The following PACS2 variants were observed in gnomAD, a reference collection of about 807,000 sequenced individuals.
PACS2 encodes the protein PACS1-like protein.
PACS2 carries 36 observed loss-of-function variants against 113.0 expected under a neutral mutation model. The ratio of observed to expected loss-of-function variants is 0.32; its 90% CI spans 0.24 to 0.42. PACS2 has a LOEUF of 0.42. PACS2 is among the 10% of genes least tolerant of loss of function. The probability of loss-of-function intolerance (pLI) is 1.00; values close to 1 mark genes in which losing one functional copy is unlikely to be tolerated. For synonymous variants in PACS2, 589 were observed against 536.1 expected, an observed-to-expected ratio of 1.10 and a Z score of -1.36; for missense variants, 1,015 against 1,239.5, an observed-to-expected ratio of 0.82 and a Z score of 2.72.
At chr14:105,353,494 T>A (rs1220674446) in intron 3 of PACS2, among the ~76,000 whole-genome samples, 1 of 152,126 alleles carries the variant, frequency 6.6e-6, no homozygotes, top group Non-Finnish European at 1.5e-5. Context: ...TTGCCATCAG[T>A]GTCCTGCGTT....
intron 1 of PACS2, among the ~76,000 whole-genome samples, chr14:105,307,113 T>C (rs186206083): frequency 6.6e-6 from 1 of 151,860 alleles, no homozygotes; most frequent in Admixed American, 6.6e-5. Context: ...GGTATGATCA[T>C]AGCTCACTGT....
chr14:105,394,423 G>A, intron 24 of PACS2, 131 bp from the exon 25 acceptor site: 2 of 1,484,096 alleles, frequency 1.3e-6, no homozygotes, highest in African/African-American at 2.8e-5. Flanking sequence ...AAGTGTTGAT[G>A]CCCTCCAGCA....
rs1221597464 is a variant in PACS2, at chr14:105,323,167, G to A, written c.119+8130G>A. The stretch of plus-strand genomic sequence containing the variant: ...CTGAGTCGGGGTTACTAGACTTGCT[G>A]ACTTTGTGGATCGATGATTTTCATG... On this transcript the variant is annotated intron_variant, in intron 1 of 24. Coordinates refer to ENST00000447393, the MANE Select transcript of PACS2 (RefSeq NM_001100913.3). This position sits in a 1 kb window ranked among gnomAD's most constrained non-coding sequence, Gnocchi z 4.1. 6.6e-6 allele frequency among the ~76,000 whole-genome samples: 1 copy of A among 152,234 alleles called. No individual in the cohort carries two copies. Among genetic ancestry groups the A allele is most frequent in the Non-Finnish European group, 1.5e-5 (1 of 68,044 alleles).
chr14:105,385,572 C>A, intron 18 of PACS2, 113 bp from the exon 19 acceptor site: 1 of 625,588 alleles, frequency 1.6e-6, no homozygotes, highest in Non-Finnish European at 2.7e-6. Flanking sequence ...ACGGGCTCTC[C>A]CACGCAGGAG....
chr14:105,332,473 G>A (rs2059340760), intron 1 of PACS2, among the ~76,000 whole-genome samples: 1 of 152,216 alleles, frequency 6.6e-6, no homozygotes, highest in African/African-American at 2.4e-5. Flanking sequence ...CAGGACTGAG[G>A]CCACACAGGA....
chr14:105,371,844 A>G (rs924804805), intron 8 of PACS2: 2 of 152,254 alleles, frequency 1.3e-5, no homozygotes, highest in African/African-American at 4.8e-5. Context: ...CTGTGAGTCC[A>G]AGATCAAGGT....
At chr14:105,301,048 T>A in intron 1 of PACS2, 1 of 151,326 alleles carries the variant, frequency 6.6e-6, no homozygotes, top group Non-Finnish European at 1.5e-5. Flanking sequence ...GGACTGGAGT[T>A]TGGGGCGGGG....
At chr14:105,331,504 A>G (rs1196683898) in intron 1 of PACS2, among the ~76,000 whole-genome samples, 1 of 151,584 alleles carries the variant, frequency 6.6e-6, no homozygotes, top group Non-Finnish European at 1.5e-5. Context: ...GCAGCCTCAA[A>G]CTCTGGGGCT....
rs587746832 is a variant in PACS2 at position 105,384,006 on chromosome 14, C to A, written c.1781-347C>A. The A allele has an allele frequency of 5.2e-5, 17 of 328,374 alleles. 1 individual carries two copies. The South Asian group carries it at 6.4e-4, about 12-fold the overall frequency. 20.3% of individuals were successfully genotyped at this position (328,374 alleles called of 1,614,324 possible). A position where few individuals can be genotyped will look rare whatever the true frequency, so the allele number is the denominator to read the frequency against. ...CACCCAGCCTTAATCTGTTGACCAG[C>A]AGCAAGGCCTGGAGGCGACACCTCT... On this transcript the variant is annotated intron_variant, in intron 16 of 24. Transcript: ENST00000447393.
At position 105,314,897 on chromosome 14, in the gene PACS2, A is replaced by C; in HGVS notation, c.-22A>C. ...GCCCGGCCGCAGCCCCAGGCCGCCG[A>C]GGGAGCGGCGGGGCCGGCGCCATGG... On this transcript the variant is annotated 5_prime_UTR_variant, in exon 1 of 25. Transcript: ENST00000447393. 1 of 942,902 alleles carries C rather than the reference A, an allele frequency of 1.1e-6. No homozygotes were observed. The highest frequency in any genetic ancestry group is 1.9e-5 in the African/African-American group (1 of 53,312). The allele number at this position is 942,902 out of a possible 1,614,324, so 58.4% of individuals were successfully genotyped here. A position where few individuals can be genotyped will look rare whatever the true frequency, so the allele number is the denominator to read the frequency against.
intron 2 of PACS2, among the ~76,000 whole-genome samples, chr14:105,350,006 A>G (rs1595657879): frequency 6.8e-6 from 1 of 147,446 alleles, no homozygotes; most frequent in East Asian, 2.0e-4. Flanking sequence ...TAATAGCAGG[A>G]CCCCGAGAAC....
rs1199580566 is a variant in PACS2, at chr14:105,376,268, T to TC, written c.802-494dup. Among the ~76,000 whole-genome samples, 2 of 150,710 alleles carry TC rather than the reference T, an allele frequency of 1.3e-5. No homozygotes were observed. The highest frequency in any genetic ancestry group is 2.1e-4 in the South Asian group (1 of 4,732). On this transcript the variant is annotated intron_variant, in intron 8 of 24. Coordinates refer to ENST00000447393, the MANE Select transcript of PACS2 (RefSeq NM_001100913.3). This position sits in a 1 kb window ranked among gnomAD's most constrained non-coding sequence, Gnocchi z 4.7. Reference sequence around the variant, plus strand: ...CCACGCTGGGTGGATGACGCCCTCCTCCCCCCGCCACCGAGAGCTGCAGGC... The same window carrying TC: ...CCACGCTGGGTGGATGACGCCCTCCTCCCCCCCGCCACCGAGAGCTGCAGGC...
intron 1 of PACS2, among the ~76,000 whole-genome samples, chr14:105,319,390 G>GA (rs1363266517): frequency 6.6e-6 from 1 of 152,220 alleles, no homozygotes; most frequent in African/African-American, 2.4e-5. Flanking sequence ...CTTAGGTCTT[G>GA]AATGTATTTT....
At chr14:105,333,040 C>T (rs779748916) in intron 1 of PACS2, among the ~76,000 whole-genome samples, 5 of 152,178 alleles carry the variant, frequency 3.3e-5, no homozygotes, top group Non-Finnish European at 5.9e-5. Flanking sequence ...GTGCTGGGCC[C>T]CTGGGGGTGG....
intron 7 of PACS2, 69 bp downstream of exon 7, chr14:105,368,608 G>A (rs782354768): frequency 4.8e-5 from 58 of 1,208,678 alleles, no homozygotes; most frequent in Middle Eastern, 1.9e-4. Flanking sequence ...GAGCCTGGGC[G>A]TGGGGGGGAC....
chr14:105,391,943 C>T (rs113145944), intron 22 of PACS2, 177 bp downstream of exon 22: 4 of 615,052 alleles, frequency 6.5e-6, no homozygotes, highest in Non-Finnish European at 1.1e-5. Context: ...TGCCACAGAT[C>T]TGGTGTTTGG....
rs183925644 is a variant in PACS2 at position 105,355,720 on chromosome 14, A to G, written c.423+543A>G. On this transcript the variant is annotated intron_variant, in intron 4 of 24. Coordinates refer to ENST00000447393, the MANE Select transcript of PACS2 (RefSeq NM_001100913.3). The surrounding 1 kb of genome is among the most constrained non-coding windows in gnomAD (Gnocchi z 4.1). ...GGGGAAAGAAGGGGAAGTACCTCAA[A>G]AGGAAAAGAAACAGCCAAGCAGCAG... 2.0e-5 allele frequency among the ~76,000 whole-genome samples: 3 copies of G among 152,272 alleles called. No homozygotes were observed. Among genetic ancestry groups the G allele is most frequent in the African/African-American group, 7.2e-5 (3 of 41,552 alleles).
intron 1 of PACS2, among the ~76,000 whole-genome samples, chr14:105,328,862 C>T (rs941619062): frequency 2.0e-5 from 3 of 152,184 alleles, no homozygotes; most frequent in East Asian, 1.9e-4. Flanking sequence ...CGAGGCAGGG[C>T]GGCGTCCTCT....
intron 1 of PACS2, among the ~76,000 whole-genome samples, chr14:105,342,466 G>A (rs1461127768): frequency 3.3e-5 from 5 of 151,572 alleles, no homozygotes; most frequent in East Asian, 3.9e-4. Flanking sequence ...ACAGGGTTTC[G>A]CCATGTTGGC....
Sources: allele counts gnomAD v4.1 joint callset (sites outside exome capture counted in the v4.1 genomes callset), GRCh38; gene constraint gnomAD v4.1.1; non-coding constraint Gnocchi (gnomAD v3.1); transcripts MANE v1.5; gene names NCBI Gene and HGNC (gene_info 2026-07-23, HGNC 2026-07-21).